Variants in CNTNAP2 observed in about 807,000 individuals in gnomAD.
CNTNAP2 encodes contactin associated protein 2.
Under a neutral mutation model 155.2 loss-of-function variants are expected in CNTNAP2, and 98 were observed. The ratio of observed to expected loss-of-function variants is 0.63; its 90% CI spans 0.54 to 0.75. The LOEUF (loss-of-function observed/expected upper bound fraction) is 0.75, where lower values mean the gene tolerates loss of function less well. CNTNAP2 is among the 30% of genes least tolerant of loss of function. CNTNAP2 has a pLI of 0.00. For synonymous variants in CNTNAP2, 651 were observed against 631.2 expected (o/e 1.03, Z -0.47); for missense variants, 1,727 against 1,688.1 (o/e 1.02, Z -0.40).
At chr7:147,332,814 A>G (rs1026233530) in intron 9 of CNTNAP2, among the ~76,000 whole-genome samples, 41 of 152,138 alleles carry the variant, frequency 2.7e-4, no homozygotes, top group Admixed American at 2.6e-3. Flanking sequence ...GTGAGCCGAA[A>G]TCATGCCACT....
chr7:146,151,186 G>A (rs538703401), intron 1 of CNTNAP2, among the ~76,000 whole-genome samples: 72 of 152,092 alleles, frequency 4.7e-4, no homozygotes, highest in African/African-American at 1.6e-3. Context: ...CTCAACATCC[G>A]GGGATTACAA....
chr7:148,344,421 C>A (rs534446939), intron 21 of CNTNAP2, among the ~76,000 whole-genome samples: 2 of 152,316 alleles, frequency 1.3e-5, no homozygotes, highest in East Asian at 3.9e-4. Flanking sequence ...CTTCTCCAAT[C>A]ACCTCCTCTA....
At chr7:148,273,483 T>C (rs983531630) in intron 21 of CNTNAP2, among the ~76,000 whole-genome samples, 1 of 152,260 alleles carries the variant, frequency 6.6e-6, no homozygotes, top group Admixed American at 6.5e-5. Flanking sequence ...ATTTTAATTT[T>C]ATTTCTGAGC....
intron 18 of CNTNAP2, among the ~76,000 whole-genome samples, chr7:148,173,787 A>G (rs184264935): frequency 6.6e-6 from 1 of 152,364 alleles, no homozygotes; most frequent in African/African-American, 2.4e-5. Flanking sequence ...ATTACCATTC[A>G]TTGTGCTTGA....
chr7:148,266,905 T>C, intron 20 of CNTNAP2, 128 bp from the exon 21 acceptor site: 1 of 854,062 alleles, frequency 1.2e-6, no homozygotes, highest in East Asian at 2.5e-5. Context: ...TGTTTTAGAG[T>C]CAGTGCTGAT....
At chr7:147,258,158 C>T (rs1235916968) in intron 8 of CNTNAP2, among the ~76,000 whole-genome samples, 1 of 152,134 alleles carries the variant, frequency 6.6e-6, no homozygotes, top group African/African-American at 2.4e-5. Flanking sequence ...CATCATGGAA[C>T]AGTCTTGAGT....
chr7:146,612,650 C>T (rs564116734), intron 1 of CNTNAP2, among the ~76,000 whole-genome samples: 1 of 151,934 alleles, frequency 6.6e-6, no homozygotes, highest in South Asian at 2.1e-4. Context: ...TCTGAAAAAG[C>T]ATTTATTTTT....
chr7:148,000,161 T>C (rs996328262), intron 15 of CNTNAP2, among the ~76,000 whole-genome samples: 2 of 152,200 alleles, frequency 1.3e-5, no homozygotes, highest in East Asian at 1.9e-4. Flanking sequence ...TTCAGTCTGA[T>C]GCGGAGTCAG....
chr7:146,434,762 G>A (rs909918145), intron 1 of CNTNAP2, among the ~76,000 whole-genome samples: 2 of 151,970 alleles, frequency 1.3e-5, no homozygotes, highest in African/African-American at 2.4e-5. Flanking sequence ...AATTATAATA[G>A]CATATTTCTT....
intron 9 of CNTNAP2, among the ~76,000 whole-genome samples, chr7:147,362,647 T>C (rs1250997893): frequency 1.3e-5 from 2 of 152,188 alleles, no homozygotes; most frequent in African/African-American, 4.8e-5. Context: ...ATTCCTTATG[T>C]TATCTTTAAC....
intron 16 of CNTNAP2, among the ~76,000 whole-genome samples, chr7:148,128,172 G>A (rs901229518): frequency 1.3e-5 from 2 of 151,978 alleles, no homozygotes. Context: ...CCGGGCCTCT[G>A]GATTTTTCTT....
rs755601249 is a variant in CNTNAP2 at position 147,249,604 on chromosome 7, TAA to T, written c.1349-50517_1349-50516del. Among the ~76,000 whole-genome samples, 41 of 70,000 alleles carry T rather than the reference TAA, an allele frequency of 5.9e-4. 3 individuals carry two copies. In the East Asian group the frequency reaches 8.1e-3, roughly 14 times the overall value. 45.9% of individuals were successfully genotyped at this position (70,000 alleles called of 152,430 possible). The stretch of plus-strand genomic sequence containing the variant: ...CTATAATAAAGGAAGACATTGGAGG[TAA>T]AAAAAAAAAAAAAAAAAAAGGTTTC... On this transcript the variant is annotated intron_variant, in intron 8 of 23. Coordinates refer to ENST00000361727, the MANE Select transcript of CNTNAP2 (RefSeq NM_014141.6).
At position 148,415,897 on chromosome 7, in the gene CNTNAP2, A is replaced by T. The variant is rs1029919309; in HGVS notation, c.*281A>T. 3.8e-6 allele frequency: 2 copies of T among 531,082 alleles called. No homozygotes were observed. The highest frequency in any genetic ancestry group is 6.7e-6 in the Non-Finnish European group (2 of 298,516). 32.9% of individuals were successfully genotyped at this position (531,082 alleles called of 1,614,324 possible). On this transcript the variant is annotated 3_prime_UTR_variant, in exon 24 of 24. Coordinates refer to ENST00000361727, the MANE Select transcript of CNTNAP2 (RefSeq NM_014141.6). ...GCAATGGTTGAAATTTGTAGGTACT[A>T]TCTGTCTTATTTTGTGTGTGTTTAG...
At position 147,502,739 on chromosome 7, in the gene CNTNAP2, G is replaced by GTATA. The variant is rs36141642; in HGVS notation, c.1777+16699_1777+16700insATAT. Among the ~76,000 whole-genome samples, 129 of 83,018 alleles carry GTATA rather than the reference G, an allele frequency of 1.6e-3. No homozygotes were observed. The Middle Eastern group carries it at 0.017, about 11-fold the overall frequency. 54.5% of individuals were successfully genotyped at this position (83,018 alleles called of 152,430 possible). On this transcript the variant is annotated intron_variant, in intron 11 of 23. Transcript: ENST00000361727. ...ACAATGTGTGTGTGTGTGTGTGTGT[G>GTATA]TGTATATATATATATATATAAAACA...
At chr7:147,567,886 G>A (rs1404258874) in intron 12 of CNTNAP2, among the ~76,000 whole-genome samples, 1 of 152,080 alleles carries the variant, frequency 6.6e-6, no homozygotes, top group Non-Finnish European at 1.5e-5. Context: ...AGGAGTTGGA[G>A]ACCAGCCTGA....
chr7:148,331,778 GGACA>G lies in CNTNAP2; in HGVS notation c.3476-51868_3476-51865del, dbSNP rs1798029154. 1.4e-5 allele frequency among the ~76,000 whole-genome samples: 2 copies of G among 138,466 alleles called. 1 individual carries two copies. Among genetic ancestry groups the G allele is most frequent in the African/African-American group, 5.2e-5 (2 of 38,824 alleles). The allele number at this position is 138,466 out of a possible 152,430, so 90.8% of individuals were successfully genotyped here. On this transcript the variant is annotated intron_variant, in intron 21 of 23. Transcript: ENST00000361727. The stretch of plus-strand genomic sequence containing the variant: ...GACGGATGGATTGGATGGATGGAAT[GGACA>G]GATGGAGTGGATGGATAGAATGGCC...
chr7:147,978,987 G>A (rs949604181), intron 15 of CNTNAP2, among the ~76,000 whole-genome samples: 1 of 152,028 alleles, frequency 6.6e-6, no homozygotes, highest in Non-Finnish European at 1.5e-5. Flanking sequence ...TATGTGAGAT[G>A]GAATATTATT....
intron 1 of CNTNAP2, among the ~76,000 whole-genome samples, chr7:146,581,983 T>C (rs888673585): frequency 6.6e-6 from 1 of 152,084 alleles, no homozygotes; most frequent in Non-Finnish European, 1.5e-5. Context: ...ATAGCTGTAA[T>C]ACAATAATGA....
intron 8 of CNTNAP2, among the ~76,000 whole-genome samples, chr7:147,261,977 A>G (rs1213222124): frequency 1.3e-5 from 2 of 152,256 alleles, no homozygotes; most frequent in African/African-American, 4.8e-5. Flanking sequence ...ATAACCATGT[A>G]TAATGATAAA....
Sources: gnomAD v4.1 joint callset for allele counts (sites outside exome capture counted in the v4.1 genomes callset) on GRCh38, gnomAD v4.1.1 for gene constraint, MANE v1.5 for transcripts, NCBI Gene and HGNC (gene_info 2026-07-23, HGNC 2026-07-21) for gene names.